RHCG: variants seen among roughly 807,000 people sequenced by gnomAD.
The protein encoded by RHCG is Rh family C glycoprotein, also known as ammonium transporter Rh type C.
Under a neutral mutation model 55.3 loss-of-function variants are expected in RHCG, and 39 were observed. The observed-to-expected ratio is 0.70, with a 90% confidence interval of 0.55 to 0.92. RHCG has a LOEUF of 0.92. RHCG is among the 40% of genes least tolerant of loss of function. The pLI, the probability that RHCG is intolerant of heterozygous loss-of-function variation, is 0.00. For missense variants in RHCG, 635 were observed against 627.9 expected, an observed-to-expected ratio of 1.01 and a Z score of -0.12; for synonymous variants, 250 against 246.8, an observed-to-expected ratio of 1.01 and a Z score of -0.12.
At chr15:89,473,624 C>A (rs1228112285) in intron 9 of RHCG, among the ~76,000 whole-genome samples, 1 of 152,050 alleles carries the variant, frequency 6.6e-6, no homozygotes, top group African/African-American at 2.4e-5. Flanking sequence ...GACAATATAA[C>A]AATAAAAATA....
intron 1 of RHCG, among the ~76,000 whole-genome samples, chr15:89,491,573 C>G (rs1961475857): frequency 6.6e-6 from 1 of 152,126 alleles, no homozygotes; most frequent in South Asian, 2.1e-4. Flanking sequence ...TCGAGACCAG[C>G]CTGGCCAACA....
rs1292234035 is a variant in RHCG at position 89,486,915 on chromosome 15, G to T, written c.255C>A (p.Gly85=). The T allele has an allele frequency of 1.2e-6, 2 of 1,612,896 alleles. No homozygotes were observed. The highest frequency in any genetic ancestry group is 1.7e-5 in the Admixed American group (1 of 59,932). Residue 85 remains glycine (G), a synonymous_variant, in exon 2 of 11, where the codon GGC becomes GGA. Transcript: ENST00000268122. ...GGAAGTTGAAGCCCACGGCGCTGAA[G>T]CCGTAGCGCTGCAGGAAAGTCATGA... ...GFLMTFLQRY[G]FSAVGFNFLL...
chr15:89,475,104 TCCTG>T lies in RHCG; in HGVS notation c.1311+1647_1311+1650del, dbSNP rs1286712580. On this transcript the variant is annotated intron_variant, in intron 9 of 10. Coordinates refer to ENST00000268122, the MANE Select transcript of RHCG (RefSeq NM_016321.3). The stretch of plus-strand genomic sequence containing the variant: ...TTCCTGCCTGCCTGCCTTCATTCAT[TCCTG>T]CCTGCCTGCCTTCATTCATTCCTGC... Among the ~76,000 whole-genome samples, 218 of 146,060 alleles carry T rather than the reference TCCTG, an allele frequency of 1.5e-3. 1 individual carries two copies. The highest frequency in any genetic ancestry group is 5.2e-3 in the African/African-American group (203 of 39,160).
intron 9 of RHCG, among the ~76,000 whole-genome samples, chr15:89,474,295 AAG>A (rs1259316267): frequency 1.3e-5 from 2 of 152,252 alleles, no homozygotes; most frequent in Non-Finnish European, 2.9e-5. Context: ...AACATTTTTA[AAG>A]AGTTAATTTA....
intron 3 of RHCG, 58 bp from the exon 4 acceptor site, chr15:89,480,466 C>T (rs369874892): frequency 1.1e-5 from 17 of 1,570,240 alleles, no homozygotes; most frequent in East Asian, 6.7e-5. Flanking sequence ...TCCTCATTGC[C>T]GTCCCTGTCT....
intron 1 of RHCG, among the ~76,000 whole-genome samples, chr15:89,495,655 T>G (rs916635681): frequency 3.3e-5 from 5 of 152,166 alleles, no homozygotes; most frequent in Non-Finnish European, 7.4e-5. Context: ...ACCCCAACTC[T>G]GCCAGAGCTT....
chr15:89,496,509 C>T lies in RHCG; in HGVS notation c.36G>A (p.Pro12=), dbSNP rs1166588658. ...AWNTNLRWRL[P]LTCLLLQVIM... ...TCACCTGCAGGAGCAGGCAGGTGAG[C>T]GGCAGCCGCCAGCGGAGGTTGGTGT... Residue 12 remains proline (P), a synonymous_variant, in exon 1 of 11, where the codon CCG becomes CCA. Coordinates refer to ENST00000268122, the MANE Select transcript of RHCG (RefSeq NM_016321.3). 4 of 1,612,614 alleles carry T rather than the reference C, an allele frequency of 2.5e-6. No individual in the cohort carries two copies. The highest frequency in any genetic ancestry group is 3.4e-6 in the Non-Finnish European group (4 of 1,179,696).
intron 1 of RHCG, among the ~76,000 whole-genome samples, chr15:89,488,984 G>A (rs1961424723): frequency 6.6e-6 from 1 of 152,174 alleles, no homozygotes; most frequent in Admixed American, 6.5e-5. Flanking sequence ...CATGACGTAT[G>A]TGACTGACCC....
intron 1 of RHCG, among the ~76,000 whole-genome samples, chr15:89,487,345 T>C (rs1037984930): frequency 3.9e-5 from 6 of 152,158 alleles, no homozygotes; most frequent in African/African-American, 1.4e-4. Flanking sequence ...TCTACCCTCC[T>C]CCCTGGGTGG....
rs950482584 is a variant in RHCG at position 89,486,155 on chromosome 15, G to A, written c.371+644C>T. 5 of 419,268 alleles carry A rather than the reference G, an allele frequency of 1.2e-5. No individual in the cohort carries two copies. In the East Asian group the frequency reaches 2.1e-4, roughly 18 times the overall value. The allele number at this position is 419,268 out of a possible 1,614,324, so 26.0% of individuals were successfully genotyped here. ...AGGGTGCTCCACCCGTGGAAGCTGA[G>A]GAGGGGGCAGGGCTTCAGCCCTAAC... On this transcript the variant is annotated intron_variant, in intron 2 of 10. Coordinates refer to ENST00000268122, the MANE Select transcript of RHCG (RefSeq NM_016321.3).
intron 3 of RHCG, among the ~76,000 whole-genome samples, chr15:89,481,124 C>A (rs1489090737): frequency 1.3e-5 from 2 of 152,228 alleles, no homozygotes; most frequent in Non-Finnish European, 2.9e-5. Context: ...AGCCCCTTAA[C>A]CCCTCTGAGC....
In RHCG at chr15:89,496,412, T is replaced by C. The variant is rs117284582; in HGVS notation, c.133A>G (p.Thr45Ala). 4.4e-3 allele frequency: 7,065 copies of C among 1,613,964 alleles called. 183 individuals are homozygous for C. The Admixed American group carries it at 0.058, about 13-fold the overall frequency. The change falls in exon 1 of 11, where the codon ACG becomes GCG. Residue 45 changes from threonine to alanine, a missense_variant. Coordinates refer to ENST00000268122, the MANE Select transcript of RHCG (RefSeq NM_016321.3). ...TCCATGTCGCTCAAGTTCTTGTGCG[T>C]CCTCTCTGACCACCAGTGGGCGTCG... ...EADAHWWSER[T>A]HKNLSDMENE... is the part of the protein sequence containing the mutation.
intron 3 of RHCG, among the ~76,000 whole-genome samples, chr15:89,482,769 G>A (rs1481567343): frequency 1.3e-5 from 2 of 152,212 alleles, no homozygotes; most frequent in Non-Finnish European, 2.9e-5. Flanking sequence ...GTGTGCAAGA[G>A]TATGTGCAGG....
At chr15:89,486,599 A>AGAGAGAGAGAGTGTGT in intron 2 of RHCG, 200 bp downstream of exon 2, 16 of 264,458 alleles carry the variant, frequency 6.1e-5, no homozygotes, top group East Asian at 2.0e-4. Flanking sequence ...AGAGAGAGAG[A>AGAGAGAGAGAGTGTGT]GTGTGTGTGT....
intron 10 of RHCG, 35 bp downstream of exon 10, chr15:89,472,676 C>T (rs1419064670): frequency 6.3e-6 from 10 of 1,580,990 alleles, no homozygotes; most frequent in Middle Eastern, 1.8e-4. Context: ...CTGGGAGAAC[C>T]TCCCTGTCAT....
chr15:89,475,862 G>C (rs537787399), intron 9 of RHCG, among the ~76,000 whole-genome samples: 1 of 152,286 alleles, frequency 6.6e-6, no homozygotes, highest in South Asian at 2.1e-4. Context: ...CGCGAAAACC[G>C]CTGCTCAAAT....
chr15:89,487,765 A>G (rs1961401681), intron 1 of RHCG, among the ~76,000 whole-genome samples: 1 of 152,242 alleles, frequency 6.6e-6, no homozygotes, highest in African/African-American at 2.4e-5. Context: ...TGTGTATGTA[A>G]AGAAGCATCT....
At position 89,477,143 on chromosome 15, in the gene RHCG, CT is replaced by C; in HGVS notation, c.1175del (p.Lys392SerfsTer9). 1.2e-6 allele frequency: 2 copies of C among 1,614,118 alleles called. No homozygotes were observed. The highest frequency in any genetic ancestry group is 2.7e-5 in the African/African-American group (2 of 75,032). The part of the protein sequence containing the change: ...NGDWTARTQG[K>X]FQIYGLLVTL... Reference sequence around the variant, plus strand: ...TCACCAAGAGACCATAAATCTGGAACTTTCCCTGTGTTCTTGCGGTCCAGTC... The same window carrying C: ...TCACCAAGAGACCATAAATCTGGAACTTCCCTGTGTTCTTGCGGTCCAGTC... On this transcript the variant is annotated frameshift_variant, in exon 8 of 11. Coordinates refer to ENST00000268122, the MANE Select transcript of RHCG (RefSeq NM_016321.3). LOFTEE classifies it high-confidence loss of function. This position sits in a 1 kb window ranked among gnomAD's most constrained non-coding sequence, Gnocchi z 4.5.
At chr15:89,492,145 C>T (rs1961488096) in intron 1 of RHCG, among the ~76,000 whole-genome samples, 1 of 152,194 alleles carries the variant, frequency 6.6e-6, no homozygotes, top group Non-Finnish European at 1.5e-5. Flanking sequence ...CCAGAACTGG[C>T]TTCCTCAACC....
Sources: allele counts gnomAD v4.1 joint callset (sites outside exome capture counted in the v4.1 genomes callset), GRCh38; gene constraint gnomAD v4.1.1; non-coding constraint Gnocchi (gnomAD v3.1); transcripts MANE v1.5; gene names NCBI Gene and HGNC (gene_info 2026-07-23, HGNC 2026-07-21).